The following EPM2A variants were observed in gnomAD, a reference collection of about 807,000 sequenced individuals.
The protein encoded by EPM2A is laforin.
In EPM2A, 21 loss-of-function variants were observed where a neutral mutation model predicts 26.5. That is an observed-to-expected ratio of 0.79 (90% CI 0.56 to 1.14). The LOEUF (loss-of-function observed/expected upper bound fraction) is 1.14, where lower values mean the gene tolerates loss of function less well. Among genes scored for constraint, EPM2A ranks in the 50% most tolerant of loss-of-function variants. EPM2A has a pLI of 0.00. For synonymous variants in EPM2A, 217 were observed against 177.6 expected, an observed-to-expected ratio of 1.22 and a Z score of -1.76; for missense variants, 458 against 440.8, an observed-to-expected ratio of 1.04 and a Z score of -0.35.
chr6:145,513,359 T>C (rs751708745), intron 2 of EPM2A, among the ~76,000 whole-genome samples: 3 of 152,104 alleles, frequency 2.0e-5, no homozygotes, highest in Admixed American at 6.6e-5. Context: ...CAAGATACCA[T>C]GTTACATCAA....
intron 2 of EPM2A, chr6:145,636,937 A>AC (rs1776733328): frequency 6.7e-6 from 1 of 148,862 alleles, no homozygotes; most frequent in Admixed American, 6.6e-5. Flanking sequence ...AAAAAAAAAA[A>AC]ATTAAAAAAA....
At chr6:145,566,306 A>G (rs1488317536) in intron 2 of EPM2A, among the ~76,000 whole-genome samples, 5 of 152,240 alleles carry the variant, frequency 3.3e-5, no homozygotes, top group African/African-American at 1.2e-4. Flanking sequence ...TTAATATTAT[A>G]TTCCATTCCT....
At position 145,584,756 on chromosome 6, in the gene EPM2A, G is replaced by T. The variant is rs559921452; in HGVS notation, c.340+50489C>A. ...CTGGTGTTCAGTAGCCCCACACAGG[G>T]TTCCCAGCTTCCTTCCCCTTCAGTC... On this transcript the variant is annotated intron_variant, in intron 2 of 3. Coordinates refer to the EPM2A transcript ENST00000450221. 5.9e-5 allele frequency among the ~76,000 whole-genome samples: 9 copies of T among 152,176 alleles called. No individual in the cohort carries two copies. The South Asian group carries it at 1.2e-3, about 21-fold the overall frequency.
chr6:145,456,310 C>G (rs1412170540), intron 4 of EPM2A, among the ~76,000 whole-genome samples: 1 of 152,058 alleles, frequency 6.6e-6, no homozygotes, highest in East Asian at 1.9e-4. Flanking sequence ...TACTTGGTAC[C>G]CCAGTACTTA....
Position 145,635,447 on chromosome 6 carries a change from C to G in EPM2A, c.516G>C (p.Gln172His). The G allele has an allele frequency of 6.2e-7, 1 of 1,614,058 alleles. No homozygotes were observed. Among genetic ancestry groups the G allele is most frequent in the African/African-American group, 1.3e-5 (1 of 75,042 alleles). ...TCAGTTTGATGGTTACATGTTCCACCTGACGAGGGCAGCTACCCAGCCAGA... is the reference window on the plus strand; with the variant it reads ...TCAGTTTGATGGTTACATGTTCCACGTGACGAGGGCAGCTACCCAGCCAGA... ...PNIWLGSCPRQVEHVTIKLKH... is the reference protein window; with the variant it reads ...PNIWLGSCPRHVEHVTIKLKH... Residue 172 changes from glutamine (Q) to histidine (H), a missense_variant, in exon 3 of 4, where the codon CAG (glutamine) becomes CAC (histidine). By Grantham distance (24) the Gln-to-His change is conservative (BLOSUM62 0). Coordinates refer to ENST00000367519, the MANE Select transcript of EPM2A (RefSeq NM_005670.4).
intron 2 of EPM2A, among the ~76,000 whole-genome samples, chr6:145,610,799 AG>A (rs1775376149): frequency 6.6e-6 from 1 of 152,186 alleles, no homozygotes; most frequent in South Asian, 2.1e-4. Flanking sequence ...TAGTGGTCAG[AG>A]CAAAAGTCTT....
chr6:145,504,341 C>T lies in EPM2A; in HGVS notation c.341-1766G>A, dbSNP rs962096590. Reference sequence around the variant, plus strand: ...CATGGGAGAAAATTTTCACAACCTACTCATCTGACAAAGGGCTAATATCCA... The same window carrying T: ...CATGGGAGAAAATTTTCACAACCTATTCATCTGACAAAGGGCTAATATCCA... On this transcript the variant is annotated intron_variant, in intron 2 of 3. Coordinates refer to the EPM2A transcript ENST00000450221. Among the ~76,000 whole-genome samples the T allele has an allele frequency of 1.3e-4, 14 of 108,452 alleles. 1 individual carries two copies. Among genetic ancestry groups the T allele is most frequent in the African/African-American group, 3.9e-4 (12 of 30,550 alleles). The allele number at this position is 108,452 out of a possible 152,430, so 71.1% of individuals were successfully genotyped here.
intron 2 of EPM2A, among the ~76,000 whole-genome samples, chr6:145,657,449 A>G (rs1363559201): frequency 1.3e-5 from 2 of 152,166 alleles, no homozygotes; most frequent in Non-Finnish European, 2.9e-5. Context: ...GCATGCATTT[A>G]AAAATTTTTT....
chr6:145,703,413 C>A (rs1782044173), intron 1 of EPM2A, among the ~76,000 whole-genome samples: 1 of 152,030 alleles, frequency 6.6e-6, no homozygotes, highest in African/African-American at 2.4e-5. Flanking sequence ...TAAAAAAAAA[C>A]TTCCTTTTTT....
At chr6:145,624,799 T>C (rs1410628016), downstream of EPM2A, among the ~76,000 whole-genome samples, 1 of 152,190 alleles carries the variant, frequency 6.6e-6, no homozygotes, top group Non-Finnish European at 1.5e-5. Context: ...TAACCACATT[T>C]TTCATCATTA....
chr6:145,402,956 G>A (rs1399894509), intron 4 of EPM2A, among the ~76,000 whole-genome samples: 1 of 152,156 alleles, frequency 6.6e-6, no homozygotes, highest in Non-Finnish European at 1.5e-5. Flanking sequence ...CTCTTGAGCT[G>A]TCACTTCAAG....
chr6:145,391,930 TG>T (rs1208588530), intron 4 of EPM2A, among the ~76,000 whole-genome samples: 2 of 146,164 alleles, frequency 1.4e-5, no homozygotes, highest in Non-Finnish European at 3.0e-5. Flanking sequence ...GGGCAGGTGG[TG>T]GGGGGCATTT....
chr6:145,728,455 T>G (rs1197543969), intron 1 of EPM2A, among the ~76,000 whole-genome samples: 1 of 152,174 alleles, frequency 6.6e-6, no homozygotes, highest in South Asian at 2.1e-4. Flanking sequence ...AGGAACTTAC[T>G]GGGAACTACA....
At chr6:145,557,432 T>A (rs563962137) in intron 2 of EPM2A, among the ~76,000 whole-genome samples, 46 of 151,822 alleles carry the variant, frequency 3.0e-4, no homozygotes, top group African/African-American at 9.4e-4. Flanking sequence ...AAATGGAAAA[T>A]TTTTTAAGAG....
chr6:145,409,185 T>G (rs889233302), intron 4 of EPM2A, among the ~76,000 whole-genome samples: 5 of 152,178 alleles, frequency 3.3e-5, no homozygotes, highest in African/African-American at 1.2e-4. Context: ...TGATGCAAGC[T>G]GTAATGTCAC....
downstream of EPM2A, among the ~76,000 whole-genome samples, chr6:145,500,794 T>C (rs1779878821): frequency 1.3e-5 from 2 of 152,152 alleles, no homozygotes; most frequent in South Asian, 4.2e-4. Flanking sequence ...CTGAGTCAAG[T>C]GTAGATCTGG....
chr6:145,660,724 C>T (rs1441052520), intron 2 of EPM2A, among the ~76,000 whole-genome samples: 4 of 152,268 alleles, frequency 2.6e-5, no homozygotes, highest in African/African-American at 9.6e-5. Flanking sequence ...ATCGCTTGAA[C>T]CCAGGAGGCG....
At chr6:145,448,823 T>TA (rs1210555357) in intron 4 of EPM2A, among the ~76,000 whole-genome samples, 1 of 152,242 alleles carries the variant, frequency 6.6e-6, no homozygotes, top group Admixed American at 6.5e-5. Flanking sequence ...TATTTTTAAA[T>TA]AAAAAATAAT....
chr6:145,694,195 A>G (rs989551245), intron 1 of EPM2A, among the ~76,000 whole-genome samples: 1 of 151,986 alleles, frequency 6.6e-6, no homozygotes, highest in Non-Finnish European at 1.5e-5. Context: ...TTTCTAGCAT[A>G]TGAACATAAG....
Sources: allele counts gnomAD v4.1 joint callset (sites outside exome capture counted in the v4.1 genomes callset), GRCh38; gene constraint gnomAD v4.1.1; transcripts MANE v1.5; gene names NCBI Gene and HGNC (gene_info 2026-07-23, HGNC 2026-07-21).